The following COX7B2 variants were observed in gnomAD, a reference collection of about 807,000 sequenced individuals.
The protein encoded by COX7B2 is cytochrome c oxidase subunit 7B2, mitochondrial.
For missense variants in COX7B2, 109 were observed against 95.9 expected, an observed-to-expected ratio of 1.14 and a Z score of -0.57; for synonymous variants, 37 against 32.1, an observed-to-expected ratio of 1.15 and a Z score of -0.51.
In COX7B2 at chr4:46,896,495, A is replaced by C. The variant is rs536217436; in HGVS notation, c.-105+12665T>G. 9.8e-5 allele frequency among the ~76,000 whole-genome samples: 15 copies of C among 152,328 alleles called. No individual in the cohort carries two copies. The East Asian group carries it at 2.7e-3, about 27-fold the overall frequency. On this transcript the variant is annotated intron_variant, in intron 1 of 2. Coordinates refer to ENST00000355591, the MANE Select transcript of COX7B2 (RefSeq NM_130902.3). ...TTACACCAGCATTGTAAAACTGTTAAAATAGGAATATAGGCAAGCCAATCA... is the reference window on the plus strand; with the variant it reads ...TTACACCAGCATTGTAAAACTGTTACAATAGGAATATAGGCAAGCCAATCA...
chr4:46,854,390 A>T (rs561554251), intron 1 of COX7B2, among the ~76,000 whole-genome samples: 1 of 152,330 alleles, frequency 6.6e-6, no homozygotes, highest in South Asian at 2.1e-4. Flanking sequence ...TGAATAGGAA[A>T]ATTCTTCACG....
At chr4:46,842,535 A>G (rs1461021710) in intron 2 of COX7B2, among the ~76,000 whole-genome samples, 2 of 151,914 alleles carry the variant, frequency 1.3e-5, no homozygotes, top group African/African-American at 4.8e-5. Flanking sequence ...ATATCTCCTA[A>G]TGCTATCCCT....
chr4:46,873,844 C>T (rs1467296527), intron 1 of COX7B2, among the ~76,000 whole-genome samples: 3 of 152,052 alleles, frequency 2.0e-5, no homozygotes, highest in Admixed American at 1.3e-4. Context: ...TGACAGGACC[C>T]GGTGTGTGAT....
intron 2 of COX7B2, among the ~76,000 whole-genome samples, chr4:46,790,067 T>C (rs1717957560): frequency 6.6e-6 from 1 of 152,090 alleles, no homozygotes; most frequent in South Asian, 2.1e-4. Flanking sequence ...AAATATACTT[T>C]ATGTGAAAAG....
At chr4:46,743,402 C>T (rs115947523) in intron 2 of COX7B2, among the ~76,000 whole-genome samples, 1,688 of 152,226 alleles carry the variant, frequency 0.011, 19 homozygotes, top group Middle Eastern at 0.037. Context: ...CTCTCAGAAA[C>T]TGATGTATAA....
rs1243981074 is a variant in COX7B2 at position 46,796,147 on chromosome 4, C to T, written c.-50+48813G>A. Among the ~76,000 whole-genome samples the T allele has an allele frequency of 3.6e-3, 470 of 129,582 alleles. 4 individuals are homozygous for T. The highest frequency in any genetic ancestry group is 0.015 in the African/African-American group (455 of 29,686). 85.0% of individuals were successfully genotyped at this position (129,582 alleles called of 152,430 possible). A position where few individuals can be genotyped will look rare whatever the true frequency, so the allele number is the denominator to read the frequency against. On this transcript the variant is annotated intron_variant, in intron 2 of 2. Coordinates refer to ENST00000355591, the MANE Select transcript of COX7B2 (RefSeq NM_130902.3). ...GATAAACAATCATGTCGTCTGCAAA[C>T]AGGGACAATTTGACTTCCTCTTTTC... is the stretch of plus-strand genomic sequence containing the variant.
chr4:46,831,428 GTGCGGGCGCATGGCACGGGAC>G (rs901685488), intron 2 of COX7B2, among the ~76,000 whole-genome samples: 4 of 152,212 alleles, frequency 2.6e-5, no homozygotes, highest in African/African-American at 9.6e-5. Context: ...GGGCTGAGGA[GTGCGGGCGCATGGCACGGGAC>G]TGGCAGGCAG....
intron 2 of COX7B2, among the ~76,000 whole-genome samples, chr4:46,816,773 TAG>T (rs1449081910): frequency 2.0e-5 from 3 of 152,210 alleles, no homozygotes; most frequent in African/African-American, 7.2e-5. Flanking sequence ...GTTTTCACTA[TAG>T]CTGAGGTTGT....
At chr4:46,739,114 G>C (rs970282207) in intron 2 of COX7B2, among the ~76,000 whole-genome samples, 2 of 152,036 alleles carry the variant, frequency 1.3e-5, no homozygotes, top group African/African-American at 4.8e-5. Flanking sequence ...AACATTTATT[G>C]AGTATATACC....
chr4:46,841,747 T>A (rs980466403), intron 2 of COX7B2, among the ~76,000 whole-genome samples: 2 of 151,940 alleles, frequency 1.3e-5, no homozygotes, highest in Non-Finnish European at 2.9e-5. Flanking sequence ...ACAGGCCTGT[T>A]CACGCTGCAT....
At chr4:46,845,293 T>C (rs1716193490) in intron 1 of COX7B2, among the ~76,000 whole-genome samples, 1 of 151,926 alleles carries the variant, frequency 6.6e-6, no homozygotes, top group African/African-American at 2.4e-5. Context: ...GAGATAACTC[T>C]CTTTTTTATA....
chr4:46,755,571 T>G (rs1290292410), intron 2 of COX7B2, among the ~76,000 whole-genome samples: 1 of 152,056 alleles, frequency 6.6e-6, no homozygotes, highest in Non-Finnish European at 1.5e-5. Context: ...AAAATCCTAA[T>G]GACTCCACCA....
chr4:46,779,570 A>G (rs2109545697), intron 2 of COX7B2, among the ~76,000 whole-genome samples: 1 of 152,222 alleles, frequency 6.6e-6, no homozygotes, highest in South Asian at 2.1e-4. Context: ...GTTATATGGT[A>G]GTTCTATTTT....
chr4:46,842,868 G>A (rs1716027193), intron 2 of COX7B2, among the ~76,000 whole-genome samples: 2 of 152,072 alleles, frequency 1.3e-5, no homozygotes, highest in African/African-American at 2.4e-5. Flanking sequence ...ACATACGTGT[G>A]CATGTGTCTT....
At chr4:46,873,871 C>G (rs967646225) in intron 1 of COX7B2, among the ~76,000 whole-genome samples, 1 of 152,044 alleles carries the variant, frequency 6.6e-6, no homozygotes, top group African/African-American at 2.4e-5. Flanking sequence ...CACCCTGTGT[C>G]CAAGTGTTTT....
At chr4:46,771,447 A>G (rs1378665331) in intron 2 of COX7B2, among the ~76,000 whole-genome samples, 1 of 152,168 alleles carries the variant, frequency 6.6e-6, no homozygotes, top group Non-Finnish European at 1.5e-5. Flanking sequence ...ACATGATCCA[A>G]CAATCTCACT....
intron 2 of COX7B2, among the ~76,000 whole-genome samples, chr4:46,806,424 G>A (rs1401938209): frequency 6.6e-6 from 1 of 151,640 alleles, no homozygotes; most frequent in African/African-American, 2.4e-5. Context: ...ATTTTAAATA[G>A]ATTTTGCTTT....
At chr4:46,837,051 G>T (rs570830888) in intron 2 of COX7B2, among the ~76,000 whole-genome samples, 4 of 152,170 alleles carry the variant, frequency 2.6e-5, no homozygotes, top group Non-Finnish European at 4.4e-5. Context: ...AAATACAGCA[G>T]CATTTAATTG....
intron 2 of COX7B2, among the ~76,000 whole-genome samples, chr4:46,792,820 G>A (rs1205613227): frequency 6.6e-6 from 1 of 152,086 alleles, no homozygotes; most frequent in Non-Finnish European, 1.5e-5. Flanking sequence ...TTGACTCTGG[G>A]GTTTCTAGAA....
Sources: allele counts gnomAD v4.1 joint callset (sites outside exome capture counted in the v4.1 genomes callset), GRCh38; gene constraint gnomAD v4.1.1; transcripts MANE v1.5; gene names NCBI Gene and HGNC (gene_info 2026-07-23, HGNC 2026-07-21).